The following PDZRN4 variants were observed in gnomAD, a reference collection of about 807,000 sequenced individuals.
The protein encoded by PDZRN4 is PDZ domain containing ring finger 4.
Under a neutral mutation model 99.0 loss-of-function variants are expected in PDZRN4, and 70 were observed. The observed-to-expected ratio is 0.71, with a 90% CI of 0.58 to 0.86. The LOEUF is 0.86. Ranked by LOEUF, PDZRN4 falls within the 40% of genes least tolerant of loss-of-function variation. The pLI, the probability that PDZRN4 is intolerant of heterozygous loss-of-function variation, is 0.00. For synonymous variants in PDZRN4, 551 were observed against 501.6 expected, an observed-to-expected ratio of 1.10 and a Z score of -1.32; for missense variants, 1,474 against 1,331.2, an observed-to-expected ratio of 1.11 and a Z score of -1.67.
At position 41,573,760 on chromosome 12, in the gene PDZRN4, A is replaced by T. The variant is rs1416165346; in HGVS notation, c.2981A>T (p.Lys994Met). 2 of 1,613,962 alleles carry T rather than the reference A, an allele frequency of 1.2e-6. No homozygotes were observed. The highest frequency in any genetic ancestry group is 2.7e-5 in the African/African-American group (2 of 75,030). ...AATATCATTGAACTGAGTCACAAAA[A>T]GATGATGAAAAAGAGAAACAAGAAA... ...EINIIELSHK[K>M]MMKKRNKKIL... The change falls in exon 10 of 10, where the codon AAG (lysine) becomes ATG (methionine). Residue 994 changes from lysine (K) to methionine (M), a missense_variant. Coordinates refer to ENST00000402685, the MANE Select transcript of PDZRN4 (RefSeq NM_001164595.2).
intron 2 of PDZRN4, among the ~76,000 whole-genome samples, chr12:41,191,989 G>A (rs1950738770): frequency 6.6e-6 from 1 of 151,588 alleles, no homozygotes; most frequent in Non-Finnish European, 1.5e-5. Context: ...TCACATGTTG[G>A]CCAGGCTCGT....
chr12:41,507,124 T>C (rs1446552941), intron 4 of PDZRN4, among the ~76,000 whole-genome samples: 1 of 152,242 alleles, frequency 6.6e-6, no homozygotes, highest in African/African-American at 2.4e-5. Flanking sequence ...GTGGGCCACC[T>C]CTCTCTCTTC....
intron 5 of PDZRN4, among the ~76,000 whole-genome samples, chr12:41,521,946 G>A (rs188477998): frequency 8.5e-5 from 13 of 152,172 alleles, no homozygotes; most frequent in African/African-American, 2.2e-4. Context: ...CTAAATAGCC[G>A]TTGGAAGGGT....
rs1179008830 is a variant in PDZRN4 at position 41,555,700 on chromosome 12, T to G, written c.1305T>G (p.Val435=). ...EEDTGIYVSE[V]DPNSIAAKDG... ...GATGTATGTCCTCTTCATTACAGGTTGACCCAAATAGCATTGCTGCCAAAG... is the reference window on the plus strand; with the variant it reads ...GATGTATGTCCTCTTCATTACAGGTGGACCCAAATAGCATTGCTGCCAAAG... Residue 435 remains valine, a splice_region_variant and synonymous_variant, in exon 7 of 10, where the codon GTT becomes GTG. Coordinates refer to ENST00000402685, the MANE Select transcript of PDZRN4 (RefSeq NM_001164595.2). 6.2e-7 allele frequency: 1 copy of G among 1,613,714 alleles called. No individual in the cohort carries two copies. The highest frequency in any genetic ancestry group is 1.1e-5 in the South Asian group (1 of 91,076).
chr12:41,563,267 G>T (rs1939304482), intron 7 of PDZRN4, among the ~76,000 whole-genome samples: 1 of 152,164 alleles, frequency 6.6e-6, no homozygotes, highest in South Asian at 2.1e-4. Flanking sequence ...CCTGTCAGGA[G>T]CTGGTTAATT....
chr12:41,188,845 G>A lies in PDZRN4; in HGVS notation c.390G>A (p.Arg130=). ...TGGGCGGTGGTGAGGTGCCCGCGCG[G>A]GGGGGCTGCGGTCCGACACCCAGGG... The part of the protein sequence containing the change: ...SGLGGGEVPA[R]GGCGPTPRAG... The change falls in exon 1 of 10, where the codon CGG becomes CGA. Residue 130 remains arginine, a synonymous_variant. Transcript: ENST00000402685. The A allele has an allele frequency of 7.9e-7, 1 of 1,263,584 alleles. No homozygotes were observed. The highest frequency in any genetic ancestry group is 9.9e-7 in the Non-Finnish European group (1 of 1,005,596). The allele number at this position is 1,263,584 out of a possible 1,614,324, so 78.3% of individuals were successfully genotyped here.
At chr12:41,213,463 G>A (rs987184682) in intron 3 of PDZRN4, among the ~76,000 whole-genome samples, 2 of 152,164 alleles carry the variant, frequency 1.3e-5, no homozygotes, top group Non-Finnish European at 2.9e-5. Flanking sequence ...TTAATAAACA[G>A]TCATGAGCGC....
intron 3 of PDZRN4, among the ~76,000 whole-genome samples, chr12:41,282,360 A>G (rs898148269): frequency 6.6e-6 from 1 of 152,242 alleles, no homozygotes; most frequent in Non-Finnish European, 1.5e-5. Context: ...AGGAGCACTC[A>G]GTTTCATAAA....
chr12:41,189,500 C>T (rs1318480516), intron 1 of PDZRN4, among the ~76,000 whole-genome samples: 2 of 152,156 alleles, frequency 1.3e-5, no homozygotes, highest in Non-Finnish European at 2.9e-5. Context: ...AAAGCGAAGA[C>T]TTTCCCGGCC....
intron 3 of PDZRN4, among the ~76,000 whole-genome samples, chr12:41,456,109 TA>T (rs1290755753): frequency 1.3e-5 from 2 of 152,350 alleles, no homozygotes; most frequent in African/African-American, 4.8e-5. Flanking sequence ...TTCCAGTCTC[TA>T]AGCTTCAAGC....
chr12:41,221,632 T>C (rs1950956696), intron 3 of PDZRN4, among the ~76,000 whole-genome samples: 1 of 152,070 alleles, frequency 6.6e-6, no homozygotes, highest in Non-Finnish European at 1.5e-5. Flanking sequence ...GTGTAGTAAT[T>C]TAAGGCTTTT....
intron 3 of PDZRN4, among the ~76,000 whole-genome samples, chr12:41,457,377 G>A (rs1379763): frequency 6.6e-6 from 1 of 152,012 alleles, no homozygotes; most frequent in Admixed American, 6.6e-5. Flanking sequence ...AGTGGGATGG[G>A]AATGTAATGA....
chr12:41,256,572 C>A (rs935043925), intron 3 of PDZRN4, among the ~76,000 whole-genome samples: 1 of 152,156 alleles, frequency 6.6e-6, no homozygotes, highest in Admixed American at 6.5e-5. Context: ...AAAAGTTGAA[C>A]TTTTAGGGCT....
chr12:41,553,383 G>A (rs183910587), intron 6 of PDZRN4, among the ~76,000 whole-genome samples: 66 of 152,256 alleles, frequency 4.3e-4, no homozygotes, highest in African/African-American at 1.4e-3. Flanking sequence ...TTTAAAACTC[G>A]CAAAAAGCAT....
At chr12:41,522,015 C>A (rs1938500410) in intron 5 of PDZRN4, among the ~76,000 whole-genome samples, 1 of 152,074 alleles carries the variant, frequency 6.6e-6, no homozygotes, top group East Asian at 1.9e-4. Flanking sequence ...AGCTGTTGAG[C>A]CTTTTTTGCA....
At chr12:41,226,137 A>G (rs934145735) in intron 3 of PDZRN4, among the ~76,000 whole-genome samples, 1 of 151,658 alleles carries the variant, frequency 6.6e-6, no homozygotes, top group Non-Finnish European at 1.5e-5. Context: ...TGTGTGTCAT[A>G]TGTTGTCCTA....
intron 3 of PDZRN4, among the ~76,000 whole-genome samples, chr12:41,220,724 G>C (rs1950949739): frequency 6.6e-6 from 1 of 152,158 alleles, no homozygotes; most frequent in Non-Finnish European, 1.5e-5. Flanking sequence ...GAATGAGGGA[G>C]AGGTTATGGA....
rs558104593 is a variant in PDZRN4, at chr12:41,346,433, G to A, written c.843+152245G>A. 3.9e-5 allele frequency among the ~76,000 whole-genome samples: 6 copies of A among 152,126 alleles called. No individual in the cohort carries two copies. In the East Asian group the frequency reaches 1.2e-3, roughly 29 times the overall value. On this transcript the variant is annotated intron_variant, in intron 3 of 9. Transcript: ENST00000402685. ...GCCGAGATAGCGCCACTGCAGTCAG[G>A]CCTGGGTGAAAGAGCGAGATTCCGT...
chr12:41,458,742 C>G (rs1432116636), intron 3 of PDZRN4, among the ~76,000 whole-genome samples: 2 of 151,980 alleles, frequency 1.3e-5, no homozygotes, highest in African/African-American at 4.8e-5. Context: ...GTAAGAGAGA[C>G]TAGAGGTCAA....
Sources: gnomAD v4.1 joint callset for allele counts (sites outside exome capture counted in the v4.1 genomes callset) on GRCh38, gnomAD v4.1.1 for gene constraint, MANE v1.5 for transcripts, NCBI Gene and HGNC (gene_info 2026-07-23, HGNC 2026-07-21) for gene names.